HTN3: variants seen among roughly 807,000 people sequenced by gnomAD.
HTN3 encodes histatin-3.
Under a neutral mutation model 10.6 loss-of-function variants are expected in HTN3, and 15 were observed. The ratio of observed to expected loss-of-function variants is 1.42; its 90% confidence interval spans 0.95 to 2.18. The LOEUF (loss-of-function observed/expected upper bound fraction) is 2.18, where lower values mean the gene tolerates loss of function less well. Among genes scored for constraint, HTN3 ranks in the 30% most tolerant of loss-of-function variants. The probability of loss-of-function intolerance (pLI) is 0.00; values close to 1 mark genes in which losing one functional copy is unlikely to be tolerated. For synonymous variants in HTN3, 15 were observed against 16.9 expected, an observed-to-expected ratio of 0.89 and a Z score of 0.27; for missense variants, 68 against 58.0, an observed-to-expected ratio of 1.17 and a Z score of -0.56.
chr4:70,029,354 T>C (rs1335831545), intron 1 of HTN3, among the ~76,000 whole-genome samples: 1 of 151,982 alleles, frequency 6.6e-6, no homozygotes, highest in Non-Finnish European at 1.5e-5. Context: ...ATTTTTATAG[T>C]TAGTCCTATA....
At chr4:70,035,012 G>A (rs1725480234) in intron 5 of HTN3, among the ~76,000 whole-genome samples, 1 of 152,070 alleles carries the variant, frequency 6.6e-6, no homozygotes, top group African/African-American at 2.4e-5. Context: ...ACACATCAGG[G>A]AGGGGAACAA....
In HTN3 at chr4:70,032,063, C is replaced by G. The variant is rs200920872; in HGVS notation, c.73-15C>G. 1 of 1,533,776 alleles carries G rather than the reference C, an allele frequency of 6.5e-7. No homozygotes were observed. The highest frequency in any genetic ancestry group is 1.7e-5 in the Admixed American group (1 of 58,648). On this transcript the variant is annotated splice_polypyrimidine_tract_variant and intron_variant, in intron 3 of 5. Coordinates refer to ENST00000673563, the MANE Select transcript of HTN3 (RefSeq NM_000200.3). ...TCATATATTGAATTTTTAATCTTTT[C>G]TTTTTATTTCATAGAGACATCATGG... is the stretch of plus-strand genomic sequence containing the variant.
intron 4 of HTN3, 23 bp from the exon 5 acceptor site, chr4:70,033,144 T>C: frequency 6.3e-7 from 1 of 1,582,526 alleles, no homozygotes; most frequent in Non-Finnish European, 8.6e-7. Context: ...TGCAATTTGC[T>C]CTCTCCTTTT....
intron 2 of HTN3, among the ~76,000 whole-genome samples, chr4:70,031,655 T>C (rs1295516516): frequency 6.6e-6 from 1 of 152,124 alleles, no homozygotes; most frequent in Non-Finnish European, 1.5e-5. Flanking sequence ...ACATAGAACA[T>C]ATTCATATAA....
chr4:70,034,789 G>A (rs1725472963), intron 5 of HTN3, among the ~76,000 whole-genome samples: 1 of 152,134 alleles, frequency 6.6e-6, no homozygotes, highest in Non-Finnish European at 1.5e-5. Flanking sequence ...GCAAAGACAT[G>A]GAACAACCCA....
At chr4:70,032,793 A>T (rs1318774151) in intron 4 of HTN3, among the ~76,000 whole-genome samples, 8 of 152,010 alleles carry the variant, frequency 5.3e-5, no homozygotes, top group Non-Finnish European at 8.8e-5. Context: ...ATGAAGAAAC[A>T]CCACCTAAGT....
At chr4:70,029,607 C>T (rs1307651969) in intron 1 of HTN3, among the ~76,000 whole-genome samples, 5 of 151,954 alleles carry the variant, frequency 3.3e-5, no homozygotes, top group Admixed American at 3.3e-4. Context: ...AATAAAAATG[C>T]CATGTAATTC....
At chr4:70,031,595 C>T (rs192136144) in intron 2 of HTN3, among the ~76,000 whole-genome samples, 150 of 152,146 alleles carry the variant, frequency 9.9e-4, no homozygotes, top group Non-Finnish European at 1.8e-3. Context: ...AAGCACAATG[C>T]CTGTCTCTAT....
intron 5 of HTN3, among the ~76,000 whole-genome samples, chr4:70,035,578 AG>A: frequency 6.6e-6 from 1 of 152,360 alleles, no homozygotes; most frequent in Admixed American, 6.5e-5. Flanking sequence ...AACTCTAATG[AG>A]CAATGGCTAT....
chr4:70,033,206 C>T lies in HTN3; in HGVS notation c.142C>T (p.Leu48=), dbSNP rs573588549. 6.3e-7 allele frequency: 1 copy of T among 1,598,670 alleles called. No individual in the cohort carries two copies. Among genetic ancestry groups the T allele is most frequent in the East Asian group, 2.2e-5 (1 of 44,498 alleles). Residue 48 remains leucine, a synonymous_variant, in exon 5 of 6, where the codon CTG becomes TTG. Transcript: ENST00000673563. ...HSHRGYRSNY[L]YDN is the part of the protein sequence containing the mutation. The stretch of plus-strand genomic sequence containing the variant: ...ACATCGAGGCTATAGATCAAATTAT[C>T]TGTATGACAATTGATATCTTCAGTA...
At chr4:70,030,130 T>C (rs535895293) in intron 1 of HTN3, among the ~76,000 whole-genome samples, 2 of 139,774 alleles carry the variant, frequency 1.4e-5, no homozygotes, top group East Asian at 3.9e-4. Context: ...TGCTAAACTG[T>C]TTGAACTTTC....
rs1725432026 is a variant in HTN3 at position 70,033,275 on chromosome 4, T to G, written c.*33+22T>G. 17 of 1,142,600 alleles carry G rather than the reference T, an allele frequency of 1.5e-5. 2 individuals are homozygous for G. The South Asian group carries it at 2.3e-4, about 16-fold the overall frequency. 70.8% of individuals were successfully genotyped at this position (1,142,600 alleles called of 1,614,324 possible). A position where few individuals can be genotyped will look rare whatever the true frequency, so the allele number is the denominator to read the frequency against. The stretch of plus-strand genomic sequence containing the variant: ...GGAGGTAAGCTGACTCTAGTTACTT[T>G]TCTTTCTAGAAGTATCAACACTGAC... On this transcript the variant is annotated intron_variant, in intron 5 of 5. Transcript: ENST00000673563.
chr4:70,032,881 G>T (rs1725420629), intron 4 of HTN3, among the ~76,000 whole-genome samples: 1 of 152,040 alleles, frequency 6.6e-6, no homozygotes, highest in South Asian at 2.1e-4. Context: ...TTGTTAAGAA[G>T]ATTTAAAACC....
In HTN3 at chr4:70,030,969, C is replaced by T. The variant is rs193289579; in HGVS notation, c.51+178C>T. 5.7e-6 allele frequency: 3 copies of T among 530,276 alleles called. No homozygotes were observed. In the Admixed American group the frequency reaches 1.1e-4, roughly 19 times the overall value. 32.8% of individuals were successfully genotyped at this position (530,276 alleles called of 1,614,324 possible). On this transcript the variant is annotated intron_variant, in intron 2 of 5. Coordinates refer to ENST00000673563, the MANE Select transcript of HTN3 (RefSeq NM_000200.3). Reference sequence around the variant, plus strand: ...TCTTAAAGGACTTAGAATAAATATTCATTACATACCTGCGAACACTCAAGT... The same window carrying T: ...TCTTAAAGGACTTAGAATAAATATTTATTACATACCTGCGAACACTCAAGT...
rs768348302 is a variant in HTN3, at chr4:70,033,259, C to A, written c.*33+6C>A. On this transcript the variant is annotated splice_donor_region_variant and intron_variant, in intron 5 of 5. Transcript: ENST00000673563. ...CACGGGGCATGATTATGGAGGTAAG[C>A]TGACTCTAGTTACTTTTCTTTCTAG... 7.8e-7 allele frequency: 1 copy of A among 1,283,424 alleles called. No individual in the cohort carries two copies. Among genetic ancestry groups the A allele is most frequent in the South Asian group, 1.3e-5 (1 of 78,224 alleles). The allele number at this position is 1,283,424 out of a possible 1,614,324, so 79.5% of individuals were successfully genotyped here.
At chr4:70,033,005 G>A (rs59053385) in intron 4 of HTN3, among the ~76,000 whole-genome samples, 162 bp from the exon 5 acceptor site, 10,722 of 151,986 alleles carry the variant, frequency 0.071, 1,288 homozygotes, top group African/African-American at 0.25. Context: ...TTTTCTGAAA[G>A]AAGAAAAATG....
At chr4:70,034,337 C>G (rs1294718681) in intron 5 of HTN3, 1 of 152,068 alleles carries the variant, frequency 6.6e-6, no homozygotes, top group East Asian at 1.9e-4. Context: ...CCAGAGTCTA[C>G]AAGGAACTTA....
rs1310818201 is a variant in HTN3 at position 70,033,523 on chromosome 4, G to C, written c.*33+270G>C. ...GTTTTGGTAACCGTAGCCTTGTAGG[G>C]TAGTTTGAAGTCAAGTAGTGTGATG... On this transcript the variant is annotated intron_variant, in intron 5 of 5. Coordinates refer to ENST00000673563, the MANE Select transcript of HTN3 (RefSeq NM_000200.3). The C allele has an allele frequency of 6.4e-5, 14 of 220,086 alleles. No homozygotes were observed. The East Asian group carries it at 1.8e-3, about 28-fold the overall frequency. 13.6% of individuals were successfully genotyped at this position (220,086 alleles called of 1,614,324 possible).
At chr4:70,033,077 C>A in intron 4 of HTN3, 90 bp from the exon 5 acceptor site, 2 of 874,872 alleles carry the variant, frequency 2.3e-6, no homozygotes, top group Non-Finnish European at 3.7e-6. Flanking sequence ...CTTTAACAAT[C>A]TAAGCTTTCA....
Sources: allele counts gnomAD v4.1 joint callset (sites outside exome capture counted in the v4.1 genomes callset), GRCh38; gene constraint gnomAD v4.1.1; transcripts MANE v1.5; gene names NCBI Gene and HGNC (gene_info 2026-07-23, HGNC 2026-07-21).